Variants in GPRC6A observed in about 807,000 individuals in gnomAD.
GPRC6A encodes G protein-coupled receptor family C group 6 member A.
GPRC6A carries 54 observed loss-of-function variants against 47.0 expected under a neutral mutation model. The ratio of observed to expected loss-of-function variants is 1.15; its 90% CI spans 0.92 to 1.44. GPRC6A has a LOEUF of 1.44. Among genes scored for constraint, GPRC6A ranks in the 40% most tolerant of loss-of-function variants. The pLI is 0.00. For missense variants in GPRC6A, 1,112 were observed against 1,105.5 expected (o/e 1.01, Z -0.08); for synonymous variants, 347 against 377.1 (o/e 0.92, Z 0.93).
At chr6:116,801,372 A>G (rs1772670030) in intron 3 of GPRC6A, among the ~76,000 whole-genome samples, 1 of 152,202 alleles carries the variant, frequency 6.6e-6, no homozygotes, top group East Asian at 1.9e-4. Context: ...TATTTTGTTT[A>G]CAAATGGGAT....
chr6:116,825,015 A>C (rs1417202378), intron 1 of GPRC6A, among the ~76,000 whole-genome samples: 1 of 152,108 alleles, frequency 6.6e-6, no homozygotes, highest in Non-Finnish European at 1.5e-5. Flanking sequence ...GATGTAGAAA[A>C]AGTATTTGAT....
intron 1 of GPRC6A, among the ~76,000 whole-genome samples, chr6:116,818,170 A>G (rs1279369380): frequency 2.0e-5 from 3 of 152,152 alleles, no homozygotes; most frequent in Non-Finnish European, 4.4e-5. Flanking sequence ...CCATCAGACT[A>G]ACAGCGGATC....
intron 3 of GPRC6A, among the ~76,000 whole-genome samples, chr6:116,803,670 C>G (rs1214324818): frequency 6.6e-6 from 1 of 152,116 alleles, no homozygotes; most frequent in Non-Finnish European, 1.5e-5. Flanking sequence ...ATGCAAGACT[C>G]CAGTCATATG....
Position 116,806,731 on chromosome 6 carries a change from C to G in GPRC6A, c.974G>C (p.Gly325Ala). ...PNVKKIGKVV[G>A]FAFRRGNISS... Reference sequence around the variant, plus strand: ...TATATTCCCTCTTCTAAAGGCAAACCCTACAACTTTGCCAATCTTTTTAAC... The same window carrying G: ...TATATTCCCTCTTCTAAAGGCAAACGCTACAACTTTGCCAATCTTTTTAAC... The change falls in exon 3 of 6, where the codon GGG (glycine) becomes GCG (alanine). Residue 325 changes from glycine (G) to alanine (A), a missense_variant. Gly to Ala is a moderately conservative substitution (Grantham distance 60). Transcript: ENST00000310357. 1 of 1,613,186 alleles carries G rather than the reference C, an allele frequency of 6.2e-7. No individual in the cohort carries two copies. The highest frequency in any genetic ancestry group is 1.3e-5 in the African/African-American group (1 of 74,946).
chr6:116,816,217 G>C (rs1427127146), intron 1 of GPRC6A, among the ~76,000 whole-genome samples: 1 of 152,162 alleles, frequency 6.6e-6, no homozygotes, highest in Non-Finnish European at 1.5e-5. Context: ...AGTCTCATCT[G>C]AGTAGTCCCT....
At chr6:116,818,921 TAA>T (rs1404557727) in intron 1 of GPRC6A, among the ~76,000 whole-genome samples, 2 of 152,040 alleles carry the variant, frequency 1.3e-5, no homozygotes, top group African/African-American at 4.8e-5. Context: ...GCAGATTGGA[TAA>T]AGAGTCAAGA....
intron 1 of GPRC6A, among the ~76,000 whole-genome samples, chr6:116,820,889 T>C (rs1430035169): frequency 2.0e-5 from 3 of 151,868 alleles, no homozygotes; most frequent in Non-Finnish European, 2.9e-5. Flanking sequence ...AAATAAAGGG[T>C]ATTCAATTAG....
At position 116,806,471 on chromosome 6, in the gene GPRC6A, T is replaced by C. The variant is rs528119703; in HGVS notation, c.1234A>G (p.Ile412Val). 83 of 1,613,448 alleles carry C rather than the reference T, an allele frequency of 5.1e-5. 1 individual carries two copies. The South Asian group carries it at 8.9e-4, about 17-fold the overall frequency. ...AACACTGCAAGCTGAATACTATGAA[T>C]GAGTCCTGGCTCAGCATAGTCCCAG... ...FLWDYAEPGL[I>V]HSIQLAVFAL... The change falls in exon 3 of 6, where the codon ATT (isoleucine) becomes GTT (valine). Residue 412 changes from isoleucine to valine, a missense_variant. Coordinates refer to ENST00000310357, the MANE Select transcript of GPRC6A (RefSeq NM_148963.4).
intron 1 of GPRC6A, among the ~76,000 whole-genome samples, chr6:116,821,555 A>G (rs1411938728): frequency 6.6e-6 from 1 of 152,118 alleles, no homozygotes; most frequent in Admixed American, 6.5e-5. Context: ...AAATAACGTC[A>G]CATATCTACA....
Position 116,824,009 on chromosome 6 carries a change from A to G in GPRC6A, c.194+4811T>C, listed in dbSNP as rs1397308914. Among the ~76,000 whole-genome samples the G allele has an allele frequency of 2.6e-5, 4 of 152,114 alleles. No individual in the cohort carries two copies. The East Asian group carries it at 7.7e-4, about 29-fold the overall frequency. On this transcript the variant is annotated intron_variant, in intron 1 of 5. Transcript: ENST00000310357. Reference sequence around the variant, plus strand: ...CCTCCTACCAGGCTCCATCTCCAACATTAGGGATTATAATTTGATATGAGA... The same window carrying G: ...CCTCCTACCAGGCTCCATCTCCAACGTTAGGGATTATAATTTGATATGAGA...
chr6:116,818,204 A>G (rs1171157716), intron 1 of GPRC6A, among the ~76,000 whole-genome samples: 1 of 152,122 alleles, frequency 6.6e-6, no homozygotes, highest in African/African-American at 2.4e-5. Flanking sequence ...CCTACAAGCC[A>G]GAAGAGAGTG....
chr6:116,792,349 G>A lies in GPRC6A; in HGVS notation c.2574C>T (p.Ser858=), dbSNP rs1238091608. ...AFLKMIYSYS[S]HSVSSIALSP... ...TCAGGGCAATGCTGCTCACACTATG[G>A]GAAGAATAACTGTAGATCATCTTGA... The change falls in exon 6 of 6, where the codon TCC becomes TCT. Residue 858 remains serine, a synonymous_variant. Coordinates refer to ENST00000310357, the MANE Select transcript of GPRC6A (RefSeq NM_148963.4). The A allele has an allele frequency of 1.9e-6, 3 of 1,614,002 alleles. No homozygotes were observed. Among genetic ancestry groups the A allele is most frequent in the East Asian group, 2.2e-5 (1 of 44,882 alleles).
chr6:116,814,618 G>A (rs975264554), intron 1 of GPRC6A, among the ~76,000 whole-genome samples: 19 of 152,170 alleles, frequency 1.2e-4, no homozygotes, highest in African/African-American at 4.6e-4. Flanking sequence ...TGGGGGGATG[G>A]GGGAGGGATA....
chr6:116,793,068 G>A lies in GPRC6A; in HGVS notation c.1855C>T (p.Leu619=), dbSNP rs1772367371. The A allele has an allele frequency of 1.2e-6, 2 of 1,613,830 alleles. No individual in the cohort carries two copies. The highest frequency in any genetic ancestry group is 1.7e-6 in the Non-Finnish European group (2 of 1,179,830). ...LVVGIIFTRN[L]NTPVVKSSGG... is the part of the protein sequence containing the mutation. ...GATGATTTCACAACAGGTGTGTTCA[G>A]GTTTCTTGTAAATATTATGCCAACA... is the stretch of plus-strand genomic sequence containing the variant. Residue 619 remains leucine (L), a synonymous_variant, in exon 6 of 6, where the codon CTG becomes TTG. Coordinates refer to ENST00000310357, the MANE Select transcript of GPRC6A (RefSeq NM_148963.4).
Position 116,806,594 on chromosome 6 carries a change from C to T in GPRC6A, c.1111G>A (p.Asp371Asn), listed in dbSNP as rs117018536. ...TGATTGAATATGCATTGACTCAAAT[C>T]AGTGTCCTTGACATATGCGCAGGCA... ...LSACAYVKDTDLSQCIFNHSQ... is the reference protein window; with the variant it reads ...LSACAYVKDTNLSQCIFNHSQ... The change falls in exon 3 of 6, where the codon GAT (aspartate) becomes AAT (asparagine). Residue 371 changes from aspartate (D) to asparagine (N), a missense_variant. By Grantham distance (23) the Asp-to-Asn change is conservative. Coordinates refer to ENST00000310357, the MANE Select transcript of GPRC6A (RefSeq NM_148963.4). 4.0e-4 allele frequency: 642 copies of T among 1,613,616 alleles called. 4 individuals are homozygous for T. In the East Asian group the frequency reaches 0.011, roughly 28 times the overall value.
At chr6:116,817,572 C>G (rs924752532) in intron 1 of GPRC6A, among the ~76,000 whole-genome samples, 1 of 152,190 alleles carries the variant, frequency 6.6e-6, no homozygotes, top group Non-Finnish European at 1.5e-5. Context: ...TTCAGATGAT[C>G]AAATTACTCT....
chr6:116,793,738 G>C (rs951452166), intron 5 of GPRC6A, among the ~76,000 whole-genome samples: 2 of 152,048 alleles, frequency 1.3e-5, no homozygotes, highest in Admixed American at 1.3e-4. Context: ...TTGTGATGCC[G>C]TACTTAATGA....
intron 1 of GPRC6A, among the ~76,000 whole-genome samples, chr6:116,827,225 A>G (rs1433329358): frequency 2.6e-5 from 4 of 152,002 alleles, no homozygotes; most frequent in Admixed American, 6.6e-5. Flanking sequence ...AATATATAGA[A>G]GTGACAATAA....
intron 1 of GPRC6A, among the ~76,000 whole-genome samples, chr6:116,825,536 C>G (rs1347112379): frequency 6.6e-6 from 1 of 151,906 alleles, no homozygotes; most frequent in Non-Finnish European, 1.5e-5. Flanking sequence ...ACAAGCAAAA[C>G]TATGGAACAC....
Sources: gnomAD v4.1 joint callset for allele counts (sites outside exome capture counted in the v4.1 genomes callset) on GRCh38, gnomAD v4.1.1 for gene constraint, MANE v1.5 for transcripts, NCBI Gene and HGNC (gene_info 2026-07-23, HGNC 2026-07-21) for gene names.